JPH2: variants seen among roughly 807,000 people sequenced by gnomAD.
The protein encoded by JPH2 is junctophilin-2.
In JPH2, 38 loss-of-function variants were observed where a neutral mutation model predicts 55.9. The observed-to-expected ratio is 0.68, with a 90% confidence interval of 0.52 to 0.89. JPH2 has a LOEUF of 0.89. Among genes scored for constraint, JPH2 ranks in the 40% least tolerant of loss-of-function variants. The pLI is 0.00. For synonymous variants in JPH2, 480 were observed against 472.4 expected, an observed-to-expected ratio of 1.02 and a Z score of -0.21; for missense variants, 964 against 1,037.6, an observed-to-expected ratio of 0.93 and a Z score of 0.97.
At chr20:44,149,743 C>T (rs1356968198) in intron 2 of JPH2, among the ~76,000 whole-genome samples, 1 of 152,142 alleles carries the variant, frequency 6.6e-6, no homozygotes, top group African/African-American at 2.4e-5. Context: ...CTTTGGGAGG[C>T]CGAAGCAGTG....
intron 1 of JPH2, among the ~76,000 whole-genome samples, chr20:44,171,035 A>G (rs2072693402): frequency 6.6e-6 from 1 of 152,094 alleles, no homozygotes. Flanking sequence ...GCTGCCACTC[A>G]TCTTCTTCAT....
chr20:44,162,412 T>C (rs1340094623), intron 1 of JPH2, among the ~76,000 whole-genome samples: 3 of 152,176 alleles, frequency 2.0e-5, no homozygotes, highest in African/African-American at 7.2e-5. Context: ...ATGCAAAGTA[T>C]CGATCCTGGG....
rs543276833 is a variant in JPH2, at chr20:44,115,829, G to T, written c.1846C>A (p.Arg616Ser). ...APTLRGPEPARETPAKLEPKP... is the reference protein window; with the variant it reads ...APTLRGPEPASETPAKLEPKP... ...GGCTCCAGCTTGGCGGGGGTCTCGC[G>T]TGCAGGCTCGGGGCCTCGGAGCGTG... is the stretch of plus-strand genomic sequence containing the variant. The change falls in exon 4 of 6, where the codon CGC becomes AGC. Residue 616 changes from arginine (R) to serine (S), a missense_variant. By Grantham distance (110) the Arg-to-Ser change is moderately radical (BLOSUM62 -1). Coordinates refer to ENST00000372980, the MANE Select transcript of JPH2 (RefSeq NM_020433.5). 2 of 1,599,864 alleles carry T rather than the reference G, an allele frequency of 1.3e-6. No homozygotes were observed. Among genetic ancestry groups the T allele is most frequent in the African/African-American group, 1.3e-5 (1 of 74,950 alleles).
At chr20:44,145,668 G>A (rs1181484291) in intron 2 of JPH2, among the ~76,000 whole-genome samples, 1 of 151,326 alleles carries the variant, frequency 6.6e-6, no homozygotes, top group Admixed American at 6.6e-5. Flanking sequence ...CGTTTATAGA[G>A]GTGGAGGAGA....
At chr20:44,114,609 T>TGCAC (rs1555853089) in intron 5 of JPH2, among the ~76,000 whole-genome samples, 173 bp downstream of exon 5, 5 of 144,072 alleles carry the variant, frequency 3.5e-5, no homozygotes, top group African/African-American at 1.3e-4. Context: ...TGTGTGTGTG[T>TGCAC]GCGCTGGTAT....
At chr20:44,122,329 T>C (rs1212676338) in intron 2 of JPH2, among the ~76,000 whole-genome samples, 1 of 152,136 alleles carries the variant, frequency 6.6e-6, no homozygotes, top group Non-Finnish European at 1.5e-5. Context: ...GGATTCCAAT[T>C]TGGGCTCTGC....
rs182741761 is a variant in JPH2 at position 44,186,771 on chromosome 20, G to A, written c.-66C>T. 2.0e-3 allele frequency: 2,972 copies of A among 1,495,734 alleles called. 5 individuals carry two copies. Among genetic ancestry groups the A allele is most frequent in the Non-Finnish European group, 2.5e-3 (2,708 of 1,087,308 alleles). 92.7% of individuals were successfully genotyped at this position (1,495,734 alleles called of 1,614,324 possible). On this transcript the variant is annotated 5_prime_UTR_variant, in exon 1 of 6. Coordinates refer to ENST00000372980, the MANE Select transcript of JPH2 (RefSeq NM_020433.5). Reference sequence around the variant, plus strand: ...GGTGCAGAGGGCGTGGGTGATGCCTGCAACACTCCTCCAGTGCCCTCGGGG... The same window carrying A: ...GGTGCAGAGGGCGTGGGTGATGCCTACAACACTCCTCCAGTGCCCTCGGGG...
rs957943125 is a variant in JPH2 at position 44,107,249 on chromosome 20, A to T, written c.*6269T>A. 6.6e-6 allele frequency among the ~76,000 whole-genome samples: 1 copy of T among 151,846 alleles called. No homozygotes were observed. The highest frequency in any genetic ancestry group is 1.5e-5 in the Non-Finnish European group (1 of 67,962). ...ACTGCCTCTTATGGCCACCATATCC[A>T]TTTCCTCAATAAGCACTCACTGAAT... On this transcript the variant is annotated 3_prime_UTR_variant, in exon 6 of 6. Coordinates refer to ENST00000372980, the MANE Select transcript of JPH2 (RefSeq NM_020433.5).
chr20:44,177,236 G>A, intron 1 of JPH2: 3 of 985,726 alleles, frequency 3.0e-6, no homozygotes, highest in Non-Finnish European at 3.6e-6. Context: ...GTCTATGGCA[G>A]GAAGCAACCC....
chr20:44,152,079 C>T (rs2072534677), intron 2 of JPH2, among the ~76,000 whole-genome samples: 3 of 152,242 alleles, frequency 2.0e-5, no homozygotes. Context: ...TGGCTTCGCC[C>T]TCAACGTGGG....
Position 44,107,459 on chromosome 20 carries a change from A to C in JPH2, c.*6059T>G, listed in dbSNP as rs2072115242. On this transcript the variant is annotated 3_prime_UTR_variant, in exon 6 of 6. Coordinates refer to ENST00000372980, the MANE Select transcript of JPH2 (RefSeq NM_020433.5). ...GAGCTCTGGCTAGTGGAATATGAGC[A>C]GAAGTGATGTGTGCTGTTTTCCTGG... is the stretch of plus-strand genomic sequence containing the variant. Among the ~76,000 whole-genome samples, 1 of 152,242 alleles carries C rather than the reference A, an allele frequency of 6.6e-6. No homozygotes were observed. Among genetic ancestry groups the C allele is most frequent in the Non-Finnish European group, 1.5e-5 (1 of 68,032 alleles).
At chr20:44,113,799 C>T (rs73908563) in intron 5 of JPH2, among the ~76,000 whole-genome samples, 1 of 149,946 alleles carries the variant, frequency 6.7e-6, no homozygotes, top group African/African-American at 2.4e-5. Flanking sequence ...CTCCTTTTCA[C>T]CCTTCAGGTC....
At chr20:44,130,945 T>C (rs1378568047) in intron 2 of JPH2, among the ~76,000 whole-genome samples, 1 of 152,186 alleles carries the variant, frequency 6.6e-6, no homozygotes, top group Non-Finnish European at 1.5e-5. Flanking sequence ...TCTGAAGTCA[T>C]GCTATGTGGG....
chr20:44,167,115 C>T (rs1413725552), intron 1 of JPH2, among the ~76,000 whole-genome samples: 3 of 152,224 alleles, frequency 2.0e-5, no homozygotes, highest in Non-Finnish European at 2.9e-5. Flanking sequence ...TGATTTCATC[C>T]AGGAAGATTT....
chr20:44,177,590 A>C (rs2145895451), intron 1 of JPH2: 2 of 1,163,400 alleles, frequency 1.7e-6, no homozygotes, highest in African/African-American at 1.6e-5. Flanking sequence ...AGCTCAGCTG[A>C]CTGTCACGCT....
At chr20:44,115,547 T>A in intron 4 of JPH2, 118 bp downstream of exon 4, 1 of 1,354,558 alleles carries the variant, frequency 7.4e-7, no homozygotes, top group East Asian at 2.5e-5. Flanking sequence ...TCCTGCTCTA[T>A]CCTGCTTCGG....
intron 2 of JPH2, among the ~76,000 whole-genome samples, chr20:44,133,605 G>A (rs1014512221): frequency 4.0e-5 from 6 of 151,876 alleles, no homozygotes; most frequent in Admixed American, 3.9e-4. Flanking sequence ...GCCCCAGCAA[G>A]AGGCCAGAGA....
Position 44,160,160 on chromosome 20 carries a change from C to T in JPH2, c.627G>A (p.Glu209=), listed in dbSNP as rs2072599116. The T allele has an allele frequency of 2.1e-6, 3 of 1,425,932 alleles. No homozygotes were observed. Among genetic ancestry groups the T allele is most frequent in the South Asian group, 2.9e-5 (2 of 69,594 alleles). 88.3% of individuals were successfully genotyped at this position (1,425,932 alleles called of 1,614,324 possible). Residue 209 remains glutamate, a synonymous_variant, in exon 2 of 6, where the codon GAG becomes GAA. Transcript: ENST00000372980. This position sits in a 1 kb window ranked among gnomAD's most constrained non-coding sequence, Gnocchi z 4.9. ...GFALSLLANA[E]AAARAPKGGG... ...CGCCCTTGGGCGCCCGCGCGGCCGC[C>T]TCGGCATTGGCCAGGAGGCTGAGCG...
chr20:44,117,076 C>A (rs1285370035), intron 3 of JPH2, among the ~76,000 whole-genome samples: 1 of 152,152 alleles, frequency 6.6e-6, no homozygotes, highest in African/African-American at 2.4e-5. Flanking sequence ...GTCAGGAGAT[C>A]GAGACGATCC....
Sources: gnomAD v4.1 joint callset for allele counts (sites outside exome capture counted in the v4.1 genomes callset) on GRCh38, gnomAD v4.1.1 for gene constraint, Gnocchi (gnomAD v3.1) non-coding constraint, MANE v1.5 for transcripts, NCBI Gene and HGNC (gene_info 2026-07-23, HGNC 2026-07-21) for gene names.